RABGAP1L: variants seen among roughly 807,000 people sequenced by gnomAD.
The protein encoded by RABGAP1L is RAB GTPase activating protein 1 like, also known as rab GTPase-activating protein 1-like.
Under a neutral mutation model 137.7 loss-of-function variants are expected in RABGAP1L, and 63 were observed. The ratio of observed to expected loss-of-function variants is 0.46; its 90% confidence interval spans 0.37 to 0.56. The LOEUF (loss-of-function observed/expected upper bound fraction) is 0.56, where lower values mean the gene tolerates loss of function less well. RABGAP1L is among the 20% of genes least tolerant of loss of function. The pLI, the probability that RABGAP1L is intolerant of heterozygous loss-of-function variation, is 0.00. For missense variants in RABGAP1L, 1,095 were observed against 1,244.0 expected (o/e 0.88, Z 1.80); for synonymous variants, 431 against 433.7 (o/e 0.99, Z 0.08).
intron 17 of RABGAP1L, among the ~76,000 whole-genome samples, chr1:174,731,898 T>C (rs1404252840): frequency 1.3e-5 from 2 of 152,214 alleles, no homozygotes; most frequent in Non-Finnish European, 1.5e-5. Context: ...GTTTCTACTA[T>C]ATTCAAATCA....
At chr1:174,724,764 A>G (rs546965643) in intron 17 of RABGAP1L, among the ~76,000 whole-genome samples, 1 of 152,338 alleles carries the variant, frequency 6.6e-6, no homozygotes, top group African/African-American at 2.4e-5. Context: ...ATATATTATA[A>G]TAAATGTTAT....
At chr1:174,295,041 C>T (rs533056265) in intron 10 of RABGAP1L, among the ~76,000 whole-genome samples, 1 of 152,118 alleles carries the variant, frequency 6.6e-6, no homozygotes, top group East Asian at 1.9e-4. Flanking sequence ...GCCTCAGCCT[C>T]CTGGGTAGCT....
chr1:174,247,659 G>A (rs953618453), intron 5 of RABGAP1L, among the ~76,000 whole-genome samples: 1 of 152,322 alleles, frequency 6.6e-6, no homozygotes, highest in Middle Eastern at 3.4e-3. Context: ...CCTTGCGTGT[G>A]GAGAGCATCA....
At chr1:174,544,679 C>T (rs1665838554) in intron 13 of RABGAP1L, among the ~76,000 whole-genome samples, 2 of 152,302 alleles carry the variant, frequency 1.3e-5, no homozygotes, top group South Asian at 4.1e-4. Context: ...AGAAGAGGCC[C>T]TCTGATTTTT....
chr1:174,375,920 T>G (rs1302258726), intron 12 of RABGAP1L, among the ~76,000 whole-genome samples: 1 of 151,888 alleles, frequency 6.6e-6, no homozygotes, highest in Non-Finnish European at 1.5e-5. Context: ...TCAAAAAAAT[T>G]AGCCAGGCAT....
At chr1:174,543,183 T>G (rs958896431) in intron 13 of RABGAP1L, among the ~76,000 whole-genome samples, 1 of 152,214 alleles carries the variant, frequency 6.6e-6, no homozygotes, top group Admixed American at 6.5e-5. Context: ...TGTCTAATGT[T>G]GACAGTGGGG....
At chr1:174,266,798 A>G (rs1488031916) in intron 7 of RABGAP1L, among the ~76,000 whole-genome samples, 3 of 152,180 alleles carry the variant, frequency 2.0e-5, no homozygotes, top group Non-Finnish European at 4.4e-5. Flanking sequence ...CAAAGAGGAA[A>G]TTGGCCAACA....
In RABGAP1L at chr1:174,317,143, G is replaced by A. The variant is rs1206229964; in HGVS notation, c.1465+12016G>A. ...CCCACTTAGTGCTCTACTTCCCTGT[G>A]GACATGCTAGAACCTAAGGTGCAAG... On this transcript the variant is annotated intron_variant, in intron 11 of 25. Transcript: ENST00000681986. Among the ~76,000 whole-genome samples, 4 of 151,792 alleles carry A rather than the reference G, an allele frequency of 2.6e-5. No homozygotes were observed. In the East Asian group the frequency reaches 7.8e-4, roughly 30 times the overall value.
chr1:174,950,018 A>G lies in RABGAP1L; in HGVS notation c.2341-7439A>G, dbSNP rs190990664. ...AACATTGGAAAGTGGCTCATGTCAT[A>G]TAAGTATTCATGAATAAAGGTCCAG... On this transcript the variant is annotated intron_variant, in intron 19 of 25. Transcript: ENST00000681986. Among the ~76,000 whole-genome samples the G allele has an allele frequency of 2.5e-3, 383 of 152,356 alleles. 2 individuals carry two copies. The highest frequency in any genetic ancestry group is 3.9e-3 in the Non-Finnish European group (263 of 68,026).
At chr1:174,672,281 C>CTTTTTT (rs1256381168) in intron 14 of RABGAP1L, among the ~76,000 whole-genome samples, 7 of 118,384 alleles carry the variant, frequency 5.9e-5, no homozygotes, top group Non-Finnish European at 1.0e-4. Context: ...TTTTTCCTTT[C>CTTTTTT]TTTTTTTTTT....
intron 13 of RABGAP1L, among the ~76,000 whole-genome samples, chr1:174,618,297 G>T (rs572535277): frequency 1.3e-5 from 2 of 152,178 alleles, no homozygotes; most frequent in Non-Finnish European, 2.9e-5. Context: ...GAGAGTAATG[G>T]TTCTCCCAGC....
chr1:174,246,081 A>G (rs1259402358), intron 5 of RABGAP1L: 2 of 152,188 alleles, frequency 1.3e-5, no homozygotes, highest in East Asian at 3.8e-4. Flanking sequence ...CAGTGTTTGG[A>G]CTTTTAAGAT....
intron 13 of RABGAP1L, among the ~76,000 whole-genome samples, chr1:174,624,995 C>T (rs1364907052): frequency 6.6e-6 from 1 of 151,804 alleles, no homozygotes; most frequent in Non-Finnish European, 1.5e-5. Flanking sequence ...CCTCAGCCTC[C>T]CAAGTAGTTG....
chr1:174,982,739 T>C, intron 23 of RABGAP1L, 95 bp from the exon 24 acceptor site: 1 of 1,221,118 alleles, frequency 8.2e-7, no homozygotes, highest in Non-Finnish European at 1.2e-6. Context: ...TAGGATCAGA[T>C]GTGCTAGCAT....
At chr1:174,758,514 C>G (rs1266869110) in intron 18 of RABGAP1L, among the ~76,000 whole-genome samples, 7 of 152,076 alleles carry the variant, frequency 4.6e-5, no homozygotes, top group Non-Finnish European at 8.8e-5. Context: ...ATACCCATAG[C>G]TTAGCTCTCA....
chr1:174,336,670 A>G (rs577877252), intron 11 of RABGAP1L, among the ~76,000 whole-genome samples: 9 of 152,286 alleles, frequency 5.9e-5, no homozygotes, highest in African/African-American at 2.2e-4. Flanking sequence ...TCCTGGTTAC[A>G]CCATGGTTTG....
intron 19 of RABGAP1L, among the ~76,000 whole-genome samples, chr1:174,896,508 G>C (rs192751316): frequency 0.021 from 3,168 of 151,994 alleles, 50 homozygotes; most frequent in Middle Eastern, 0.078. Flanking sequence ...ACATGAAGTC[G>C]TTGCCCATGC....
Position 174,201,717 on chromosome 1 carries a change from T to C in RABGAP1L, c.-33-17408T>C, listed in dbSNP as rs530825683. Among the ~76,000 whole-genome samples the C allele has an allele frequency of 4.6e-5, 7 of 151,712 alleles. No individual in the cohort carries two copies. In the East Asian group the frequency reaches 7.8e-4, roughly 17 times the overall value. On this transcript the variant is annotated intron_variant, in intron 1 of 25. Transcript: ENST00000681986. The stretch of plus-strand genomic sequence containing the variant: ...GCACAACGTGCAGGTTTGTTACATA[T>C]GTATACATGTGCCATGTTGGTGTGC...
At chr1:174,722,553 G>A (rs897935825) in intron 17 of RABGAP1L, among the ~76,000 whole-genome samples, 3 of 151,768 alleles carry the variant, frequency 2.0e-5, no homozygotes, top group Admixed American at 6.6e-5. Flanking sequence ...GGGTTCAAGC[G>A]ATTCCCCTGC....
Sources: allele counts gnomAD v4.1 joint callset (sites outside exome capture counted in the v4.1 genomes callset), GRCh38; gene constraint gnomAD v4.1.1; transcripts MANE v1.5; gene names NCBI Gene and HGNC (gene_info 2026-07-23, HGNC 2026-07-21).